Variants in BCAS3 observed in about 807,000 individuals in gnomAD.
BCAS3 encodes BCAS4/BCAS3 fusion.
In BCAS3, 53 loss-of-function variants were observed where a neutral mutation model predicts 116.1. The ratio of observed to expected loss-of-function variants is 0.46; its 90% CI spans 0.37 to 0.57. The LOEUF (loss-of-function observed/expected upper bound fraction) is 0.57. Among genes scored for constraint, BCAS3 ranks in the 20% least tolerant of loss-of-function variants. The probability of loss-of-function intolerance (pLI) is 0.00; values close to 1 mark genes in which losing one functional copy is unlikely to be tolerated. For synonymous variants in BCAS3, 391 were observed against 408.2 expected (o/e 0.96, Z 0.51); for missense variants, 917 against 1,165.4 (o/e 0.79, Z 3.10).
chr17:61,029,818 T>C lies in BCAS3; in HGVS notation c.1638-4848T>C, dbSNP rs985279371. Among the ~76,000 whole-genome samples, 2 of 151,984 alleles carry C rather than the reference T, an allele frequency of 1.3e-5. No individual in the cohort carries two copies. Among genetic ancestry groups the C allele is most frequent in the Non-Finnish European group, 2.9e-5 (2 of 67,914 alleles). The stretch of plus-strand genomic sequence containing the variant: ...GAGTTTTGATCAAGCTATAAACAGT[T>C]CATGTAAACTAATCTTGTTCTCTTA... On this transcript the variant is annotated intron_variant, in intron 16 of 23. Coordinates refer to ENST00000407086, the MANE Select transcript of BCAS3 (RefSeq NM_017679.5). This position sits in a 1 kb window ranked among gnomAD's most constrained non-coding sequence, Gnocchi z 5.2.
chr17:61,015,050 G>A lies in BCAS3; in HGVS notation c.1487-701G>A, dbSNP rs566534937. ...TTAAAAGGTATATTATTGTTAAAATGGCAGTATTCCACAAATTGATCTCCA... is the reference window on the plus strand; with the variant it reads ...TTAAAAGGTATATTATTGTTAAAATAGCAGTATTCCACAAATTGATCTCCA... On this transcript the variant is annotated intron_variant, in intron 15 of 23. Coordinates refer to ENST00000407086, the MANE Select transcript of BCAS3 (RefSeq NM_017679.5). Among the ~76,000 whole-genome samples, 6 of 152,208 alleles carry A rather than the reference G, an allele frequency of 3.9e-5. No individual in the cohort carries two copies. The South Asian group carries it at 1.2e-3, about 32-fold the overall frequency.
rs980887390 is a variant in BCAS3 at position 61,388,847 on chromosome 17, T to A, written c.2594-3130T>A. ...CCTGCAGGGGGAGGAGCAGAAGGGG[T>A]CTGAGAGGAGGCGTGGAGAAAAGCG... On this transcript the variant is annotated intron_variant, in intron 23 of 23. Transcript: ENST00000407086. This position sits in a 1 kb window ranked among gnomAD's most constrained non-coding sequence, Gnocchi z 6.5. 38 of 857,108 alleles carry A rather than the reference T, an allele frequency of 4.4e-5. No individual in the cohort carries two copies. The highest frequency in any genetic ancestry group is 6.3e-5 in the Non-Finnish European group (36 of 568,862). The allele number at this position is 857,108 out of a possible 1,614,324, so 53.1% of individuals were successfully genotyped here.
chr17:60,832,046 G>A (rs548701993), intron 7 of BCAS3, among the ~76,000 whole-genome samples: 4 of 152,224 alleles, frequency 2.6e-5, no homozygotes, highest in South Asian at 2.1e-4. Flanking sequence ...TTTGTCAAAC[G>A]AAGCAGCAAT....
intron 5 of BCAS3, chr17:60,727,158 C>T: frequency 1.5e-6 from 1 of 655,146 alleles, no homozygotes; most frequent in Non-Finnish European, 2.5e-6. Flanking sequence ...GAAAAATATC[C>T]CAAAGTTTAG....
intron 6 of BCAS3, among the ~76,000 whole-genome samples, chr17:60,770,899 G>A: frequency 7.1e-6 from 1 of 140,618 alleles, no homozygotes; most frequent in Non-Finnish European, 1.5e-5. Context: ...GCAGGCTGGA[G>A]GGCAGTGGCA....
Position 60,737,043 on chromosome 17 carries a change from G to A in BCAS3, c.322-10155G>A, listed in dbSNP as rs186033529. Among the ~76,000 whole-genome samples the A allele has an allele frequency of 3.0e-3, 449 of 152,078 alleles. 3 individuals carry two copies. The highest frequency in any genetic ancestry group is 0.01 in the African/African-American group (427 of 41,462). ...CAACTGCTGCCTCCCAGGTTCAAGC[G>A]GTTCTCTTGCCTCAGACTCCTGAGT... is the stretch of plus-strand genomic sequence containing the variant. On this transcript the variant is annotated intron_variant, in intron 5 of 23. Coordinates refer to ENST00000407086, the MANE Select transcript of BCAS3 (RefSeq NM_017679.5).
chr17:61,228,025 A>G lies in BCAS3; in HGVS notation c.2426-140302A>G, dbSNP rs2082459681. 6.6e-6 allele frequency among the ~76,000 whole-genome samples: 1 copy of G among 152,198 alleles called. No homozygotes were observed. The highest frequency in any genetic ancestry group is 2.1e-4 in the South Asian group (1 of 4,818). On this transcript the variant is annotated intron_variant, in intron 22 of 23. Coordinates refer to ENST00000407086, the MANE Select transcript of BCAS3 (RefSeq NM_017679.5). This position sits in a 1 kb window ranked among gnomAD's most constrained non-coding sequence, Gnocchi z 5.0. ...GAGACTGTCCTTTCCAATTTCCAGC[A>G]CAGGTTTTGCATCTGGTTTTCCTAA...
At chr17:61,254,636 G>A (rs754660008) in intron 22 of BCAS3, among the ~76,000 whole-genome samples, 21 of 151,870 alleles carry the variant, frequency 1.4e-4, no homozygotes, top group Non-Finnish European at 2.6e-4. Flanking sequence ...AATTAGCTGG[G>A]CGTGGTGGTG....
chr17:60,963,134 T>C (rs778294700), intron 14 of BCAS3, among the ~76,000 whole-genome samples: 4 of 152,212 alleles, frequency 2.6e-5, no homozygotes, highest in African/African-American at 4.8e-5. Flanking sequence ...GTTTTGGTTA[T>C]TATATACCTG....
rs2058842835 is a variant in BCAS3 at position 61,368,203 on chromosome 17, C to T, written c.2426-124C>T. 1 of 1,063,060 alleles carries T rather than the reference C, an allele frequency of 9.4e-7. No homozygotes were observed. The highest frequency in any genetic ancestry group is 2.4e-5 in the East Asian group (1 of 41,524). 65.9% of individuals were successfully genotyped at this position (1,063,060 alleles called of 1,614,324 possible). On this transcript the variant is annotated intron_variant, in intron 22 of 23. Transcript: ENST00000407086. The surrounding 1 kb of genome is among the most constrained non-coding windows in gnomAD (Gnocchi z 6.0). The stretch of plus-strand genomic sequence containing the variant: ...CGCTACCCAGTCTGTTGGCGGCGTG[C>T]TTCCATCCTACAGGAAGGCTACAAT...
intron 14 of BCAS3, among the ~76,000 whole-genome samples, chr17:60,974,424 C>T (rs1004064956): frequency 1.3e-5 from 2 of 151,978 alleles, no homozygotes; most frequent in Admixed American, 6.5e-5. Flanking sequence ...TTTTATGTTC[C>T]ATGTGAGTAT....
intron 16 of BCAS3, among the ~76,000 whole-genome samples, chr17:61,033,848 A>G (rs2066822481): frequency 6.6e-6 from 1 of 152,234 alleles, no homozygotes; most frequent in Non-Finnish European, 1.5e-5. Flanking sequence ...GAAGCTGAGC[A>G]TGAAAACTTA....
At chr17:60,953,603 G>A (rs544230306) in intron 14 of BCAS3, among the ~76,000 whole-genome samples, 1 of 152,146 alleles carries the variant, frequency 6.6e-6, no homozygotes, top group African/African-American at 2.4e-5. Context: ...TGCTTTTGTT[G>A]TGATTGCTTT....
intron 5 of BCAS3, among the ~76,000 whole-genome samples, chr17:60,722,501 G>A (rs1030909280): frequency 2.0e-5 from 3 of 152,144 alleles, no homozygotes; most frequent in African/African-American, 7.2e-5. Flanking sequence ...GGTGGCTCAT[G>A]CCTGTAATCC....
At position 60,709,209 on chromosome 17, in the gene BCAS3, T is replaced by C; in HGVS notation, c.215-10T>C. 2.2e-6 allele frequency: 3 copies of C among 1,377,262 alleles called. No homozygotes were observed. The highest frequency in any genetic ancestry group is 3.1e-6 in the Non-Finnish European group (3 of 974,444). 85.3% of individuals were successfully genotyped at this position (1,377,262 alleles called of 1,614,324 possible). Reference sequence around the variant, plus strand: ...TAAATTTGCTTCTTTGTTACTTAATTCTAATGCAGATACATCAAGAAATCT... The same window carrying C: ...TAAATTTGCTTCTTTGTTACTTAATCCTAATGCAGATACATCAAGAAATCT... On this transcript the variant is annotated splice_polypyrimidine_tract_variant and intron_variant, in intron 4 of 23. Coordinates refer to ENST00000407086, the MANE Select transcript of BCAS3 (RefSeq NM_017679.5).
At chr17:61,050,336 TA>T (rs1167505549) in intron 19 of BCAS3, among the ~76,000 whole-genome samples, 3 of 152,040 alleles carry the variant, frequency 2.0e-5, no homozygotes, top group African/African-American at 7.2e-5. Flanking sequence ...TGACTTGTTT[TA>T]AAATATTGAC....
rs2069374441 is a variant in BCAS3, at chr17:61,056,273, A to AG, written c.2029+15383dup. Among the ~76,000 whole-genome samples, 1 of 152,228 alleles carries AG rather than the reference A, an allele frequency of 6.6e-6. No individual in the cohort carries two copies. The highest frequency in any genetic ancestry group is 1.5e-5 in the Non-Finnish European group (1 of 68,042). On this transcript the variant is annotated intron_variant, in intron 19 of 23. Coordinates refer to ENST00000407086, the MANE Select transcript of BCAS3 (RefSeq NM_017679.5). The surrounding 1 kb of genome is among the most constrained non-coding windows in gnomAD (Gnocchi z 4.9). ...CAGAGCTTTACATGGTGTCAACTGA[A>AG]GGACAGCCTTCCGCGAGTTGGAGTC...
chr17:60,921,623 A>AC (rs796226690), intron 12 of BCAS3, among the ~76,000 whole-genome samples: 1 of 149,056 alleles, frequency 6.7e-6, no homozygotes, highest in African/African-American at 2.5e-5. Context: ...AAAAAAAAAA[A>AC]AAAAAAAAAA....
intron 6 of BCAS3, among the ~76,000 whole-genome samples, chr17:60,765,542 G>C (rs1346495720): frequency 5.9e-5 from 9 of 152,192 alleles, no homozygotes; most frequent in Admixed American, 4.6e-4. Flanking sequence ...GGCTTGTAGA[G>C]TTTCTGCTGA....
Sources: gnomAD v4.1 joint callset for allele counts (sites outside exome capture counted in the v4.1 genomes callset) on GRCh38, gnomAD v4.1.1 for gene constraint, Gnocchi (gnomAD v3.1) non-coding constraint, MANE v1.5 for transcripts, NCBI Gene and HGNC (gene_info 2026-07-23, HGNC 2026-07-21) for gene names.